The following GRK5 variants were observed in gnomAD, a reference collection of about 807,000 sequenced individuals.
GRK5 encodes the protein g protein-coupled receptor kinase GRK5.
GRK5 carries 40 observed loss-of-function variants against 78.4 expected under a neutral mutation model. That is an observed-to-expected ratio of 0.51 (90% CI 0.40 to 0.66). The LOEUF is 0.66. Among genes scored for constraint, GRK5 ranks in the 30% least tolerant of loss-of-function variants. The pLI, the probability that GRK5 is intolerant of heterozygous loss-of-function variation, is 0.00. For synonymous variants in GRK5, 289 were observed against 296.8 expected, an observed-to-expected ratio of 0.97 and a Z score of 0.27; for missense variants, 598 against 759.9, an observed-to-expected ratio of 0.79 and a Z score of 2.50.
chr10:119,291,492 A>G (rs575455270), intron 1 of GRK5, among the ~76,000 whole-genome samples: 183 of 146,412 alleles, frequency 1.2e-3, no homozygotes, highest in Middle Eastern at 7.4e-3. Context: ...GGAGCCAGGA[A>G]GGAACTGCTG....
chr10:119,452,677 G>A lies in GRK5; in HGVS notation c.1411G>A (p.Ala471Thr). 7 of 1,614,040 alleles carry A rather than the reference G, an allele frequency of 4.3e-6. No individual in the cohort carries two copies. The highest frequency in any genetic ancestry group is 2.2e-5 in the East Asian group (1 of 44,886). ...LDPPFVPDPR[A>T]VYCKDVLDIE... is the part of the protein sequence containing the mutation. ...GGCCCTCTGCCCCTGGCAGCCCCGC[G>A]CTGTGTACTGTAAGGACGTGCTGGA... The change falls in exon 14 of 16, where the codon GCT becomes ACT. Residue 471 changes from alanine (A) to threonine (T), a missense_variant. Physicochemically the swap from Ala to Thr is moderately conservative, Grantham distance 58. Transcript: ENST00000392870. This position sits in a 1 kb window ranked among gnomAD's most constrained non-coding sequence, Gnocchi z 4.4.
chr10:119,364,053 A>G (rs1851406333), intron 2 of GRK5, among the ~76,000 whole-genome samples: 1 of 152,170 alleles, frequency 6.6e-6, no homozygotes, highest in Non-Finnish European at 1.5e-5. Flanking sequence ...CTAGACCAAG[A>G]TCCTTGGGCA....
intron 1 of GRK5, among the ~76,000 whole-genome samples, chr10:119,240,692 T>C (rs982249482): frequency 6.6e-6 from 1 of 152,218 alleles, no homozygotes. Context: ...GTTTTTTTCT[T>C]GTAAATTTAA....
At chr10:119,290,357 AAAAAAACAAAAAAC>A (rs1564878553) in intron 1 of GRK5, among the ~76,000 whole-genome samples, 1 of 145,406 alleles carries the variant, frequency 6.9e-6, no homozygotes, top group African/African-American at 2.5e-5. Flanking sequence ...AAAAAAAAAA[AAAAAAACAAAAAAC>A]AACTCTGTCC....
intron 1 of GRK5, among the ~76,000 whole-genome samples, chr10:119,225,935 G>A (rs1336036212): frequency 1.3e-5 from 2 of 150,380 alleles, no homozygotes; most frequent in East Asian, 2.0e-4. Flanking sequence ...TGCAAGCTCC[G>A]CCTCCCGGGT....
At chr10:119,385,231 A>G (rs764167835) in intron 3 of GRK5, among the ~76,000 whole-genome samples, 1 of 151,784 alleles carries the variant, frequency 6.6e-6, no homozygotes, top group Admixed American at 6.6e-5. Flanking sequence ...TTAGCAGAGC[A>G]GTGGCATGGT....
intron 1 of GRK5, among the ~76,000 whole-genome samples, chr10:119,219,547 G>A (rs537362341): frequency 1.3e-5 from 2 of 152,316 alleles, no homozygotes; most frequent in South Asian, 2.1e-4. Flanking sequence ...GAAGAAGAGA[G>A]CCGAGAAAGT....
chr10:119,285,662 C>T (rs987542629), intron 1 of GRK5, among the ~76,000 whole-genome samples: 1 of 152,154 alleles, frequency 6.6e-6, no homozygotes. Flanking sequence ...CTTAAAAGCC[C>T]GCACTGGGTG....
chr10:119,279,635 C>T (rs1017585812), intron 1 of GRK5, among the ~76,000 whole-genome samples: 13 of 152,224 alleles, frequency 8.5e-5, no homozygotes, highest in Non-Finnish European at 1.6e-4. Flanking sequence ...GAGTGAGTGG[C>T]GGTGGCCTGC....
intron 1 of GRK5, among the ~76,000 whole-genome samples, chr10:119,274,481 A>G (rs1005023802): frequency 2.6e-5 from 4 of 152,076 alleles, no homozygotes; most frequent in South Asian, 2.1e-4. Context: ...AAGGTGACCA[A>G]CCAGTGAACT....
chr10:119,209,270 C>T (rs1403049584), intron 1 of GRK5, among the ~76,000 whole-genome samples: 1 of 152,188 alleles, frequency 6.6e-6, no homozygotes, highest in Non-Finnish European at 1.5e-5. Flanking sequence ...TCGTGTCTTA[C>T]TTTCGTCGTC....
At chr10:119,353,932 C>CTTTTTTTTT (rs761463283) in intron 2 of GRK5, among the ~76,000 whole-genome samples, 2 of 108,736 alleles carry the variant, frequency 1.8e-5, no homozygotes, top group African/African-American at 3.5e-5. Context: ...TTTTTTCTTT[C>CTTTTTTTTT]TTTTTTTTTT....
chr10:119,432,793 G>A (rs985222986), intron 8 of GRK5, among the ~76,000 whole-genome samples: 6 of 152,164 alleles, frequency 3.9e-5, no homozygotes, highest in Non-Finnish European at 7.3e-5. Flanking sequence ...CTACAGGGCC[G>A]GGCACGGTGG....
chr10:119,307,743 C>T (rs1850295593), intron 1 of GRK5, among the ~76,000 whole-genome samples: 1 of 142,758 alleles, frequency 7.0e-6, no homozygotes, highest in South Asian at 2.4e-4. Context: ...GAAACTCATG[C>T]AGCCATGCTC....
rs1361683818 is a variant in GRK5, at chr10:119,459,575, A to T, written c.*4508A>T. ...TCTAATTTTTTTCAGGGAGATTTGG[A>T]CATTAATGAATGGAAACTTCCACAG... On this transcript the variant is annotated 3_prime_UTR_variant, in exon 16 of 16. Transcript: ENST00000392870. 6.6e-6 allele frequency: 1 copy of T among 152,180 alleles called. No homozygotes were observed. Among genetic ancestry groups the T allele is most frequent in the African/African-American group, 2.4e-5 (1 of 41,438 alleles). The allele number at this position is 152,180 out of a possible 1,614,324, so 9.4% of individuals were successfully genotyped here.
chr10:119,391,039 A>G (rs912800357), intron 3 of GRK5, among the ~76,000 whole-genome samples: 5 of 152,196 alleles, frequency 3.3e-5, no homozygotes, highest in African/African-American at 9.7e-5. Flanking sequence ...CCAGGCCACA[A>G]TTCACAAGCT....
At chr10:119,308,553 G>A (rs1850308913) in intron 1 of GRK5, among the ~76,000 whole-genome samples, 1 of 152,222 alleles carries the variant, frequency 6.6e-6, no homozygotes, top group Admixed American at 6.5e-5. Flanking sequence ...GAAGGGAAAG[G>A]TGAACACAGT....
intron 4 of GRK5, among the ~76,000 whole-genome samples, chr10:119,398,453 G>C (rs1852093812): frequency 6.6e-6 from 1 of 152,078 alleles, no homozygotes. Context: ...CCACAGAGCT[G>C]AATAGCGTGA....
Position 119,371,157 on chromosome 10 carries a change from C to G in GRK5, c.149-9658C>G, listed in dbSNP as rs562545322. On this transcript the variant is annotated intron_variant, in intron 2 of 15. Transcript: ENST00000392870. ...GCCTGGGGCAACAATGCACACAGTC[C>G]CAAGCAGGTTTCAGTGGGGTGGACA... 5.3e-5 allele frequency among the ~76,000 whole-genome samples: 8 copies of G among 152,308 alleles called. No homozygotes were observed. In the South Asian group the frequency reaches 1.4e-3, roughly 28 times the overall value.
Sources: allele counts gnomAD v4.1 joint callset (sites outside exome capture counted in the v4.1 genomes callset), GRCh38; gene constraint gnomAD v4.1.1; non-coding constraint Gnocchi (gnomAD v3.1); transcripts MANE v1.5; gene names NCBI Gene and HGNC (gene_info 2026-07-23, HGNC 2026-07-21).